The following ADAMTS9 variants were observed in gnomAD, a reference collection of about 807,000 sequenced individuals.
ADAMTS9 encodes ADAM metallopeptidase with thrombospondin type 1 motif 9.
ADAMTS9 carries 107 observed loss-of-function variants against 257.1 expected under a neutral mutation model. The ratio of observed to expected loss-of-function variants is 0.42; its 90% CI spans 0.36 to 0.49. The LOEUF (loss-of-function observed/expected upper bound fraction) is 0.49, where lower values mean the gene tolerates loss of function less well. Among genes scored for constraint, ADAMTS9 ranks in the 20% least tolerant of loss-of-function variants. The pLI is 0.03. For synonymous variants in ADAMTS9, 982 were observed against 880.9 expected (o/e 1.11, Z -2.03); for missense variants, 2,353 against 2,469.1 (o/e 0.95, Z 1.00).
At position 64,562,264 on chromosome 3, in the gene ADAMTS9, C is replaced by T. The variant is rs945557585; in HGVS notation, c.4525-513G>A. Reference sequence around the variant, plus strand: ...CTCCAGTCTCTTCCTTTTCTTGCTCCTATTCATGGAGATAAGGCGATATTT... The same window carrying T: ...CTCCAGTCTCTTCCTTTTCTTGCTCTTATTCATGGAGATAAGGCGATATTT... On this transcript the variant is annotated intron_variant, in intron 29 of 39. Coordinates refer to ENST00000498707, the MANE Select transcript of ADAMTS9 (RefSeq NM_182920.2). 2.0e-5 allele frequency among the ~76,000 whole-genome samples: 3 copies of T among 152,218 alleles called. No individual in the cohort carries two copies. In the East Asian group the frequency reaches 5.8e-4, roughly 29 times the overall value.
chr3:64,581,742 T>C (rs1026204765), intron 28 of ADAMTS9, among the ~76,000 whole-genome samples: 1 of 152,204 alleles, frequency 6.6e-6, no homozygotes, highest in Admixed American at 6.5e-5. Flanking sequence ...ACTTCCCTTA[T>C]GGAAAACCAA....
At chr3:64,568,611 G>T in intron 28 of ADAMTS9, 76 bp from the exon 29 acceptor site, 2 of 1,544,340 alleles carry the variant, frequency 1.3e-6, no homozygotes, top group Non-Finnish European at 1.8e-6. Context: ...TGCGTCTTGA[G>T]ATGTTAAGAC....
intron 12 of ADAMTS9, among the ~76,000 whole-genome samples, chr3:64,636,714 A>G (rs1438956051): frequency 5.9e-5 from 9 of 152,244 alleles, no homozygotes; most frequent in Non-Finnish European, 1.5e-5. Flanking sequence ...CATGTGAACT[A>G]TGGGAAATTC....
intron 38 of ADAMTS9, among the ~76,000 whole-genome samples, chr3:64,525,883 C>G (rs6445408): frequency 3.3e-3 from 501 of 150,398 alleles, no homozygotes; most frequent in African/African-American, 0.012. Flanking sequence ...GCCACCGTGC[C>G]CAGCCAAGTT....
chr3:64,687,819 C>T lies in ADAMTS9; in HGVS notation c.-162G>A. 1.9e-6 allele frequency: 1 copy of T among 519,832 alleles called. No individual in the cohort carries two copies. Among genetic ancestry groups the T allele is most frequent in the South Asian group, 3.1e-5 (1 of 32,070 alleles). 32.2% of individuals were successfully genotyped at this position (519,832 alleles called of 1,614,324 possible). A position where few individuals can be genotyped will look rare whatever the true frequency, so the allele number is the denominator to read the frequency against. ...CGCTGAGGTCTCGCTGCGAGGGTCC[C>T]GTCTGCGCTCGGCTGAGCAACGCCG... On this transcript the variant is annotated 5_prime_UTR_variant, in exon 1 of 40. Transcript: ENST00000498707. This position sits in a 1 kb window ranked among gnomAD's most constrained non-coding sequence, Gnocchi z 4.4.
rs775964597 is a variant in ADAMTS9 at position 64,687,692 on chromosome 3, C to T, written c.-35G>A. 2.1e-6 allele frequency: 3 copies of T among 1,438,318 alleles called. No individual in the cohort carries two copies. The East Asian group carries it at 8.5e-5, about 41-fold the overall frequency. 89.1% of individuals were successfully genotyped at this position (1,438,318 alleles called of 1,614,324 possible). Reference sequence around the variant, plus strand: ...CACCCCTCCCTCCGCTGCCCCCACCCCCCTCCCTCCTGCCCTCCTTGGCTG... The same window carrying T: ...CACCCCTCCCTCCGCTGCCCCCACCTCCCTCCCTCCTGCCCTCCTTGGCTG... On this transcript the variant is annotated 5_prime_UTR_variant, in exon 1 of 40. Coordinates refer to ENST00000498707, the MANE Select transcript of ADAMTS9 (RefSeq NM_182920.2). The surrounding 1 kb of genome is among the most constrained non-coding windows in gnomAD (Gnocchi z 4.4).
At chr3:64,596,742 T>G in intron 27 of ADAMTS9, 88 bp downstream of exon 27, 1 of 1,520,038 alleles carries the variant, frequency 6.6e-7, no homozygotes, top group Non-Finnish European at 9.0e-7. Context: ...TAGAGCTAGT[T>G]CTTCTCCTTG....
At chr3:64,567,731 G>T (rs769416307) in intron 29 of ADAMTS9, among the ~76,000 whole-genome samples, 1 of 151,278 alleles carries the variant, frequency 6.6e-6, no homozygotes, top group Non-Finnish European at 1.5e-5. Flanking sequence ...CATCACACTT[G>T]TCCAAACAAA....
At chr3:64,537,472 GA>G (rs1232296923) in intron 37 of ADAMTS9, among the ~76,000 whole-genome samples, 1 of 152,148 alleles carries the variant, frequency 6.6e-6, no homozygotes, top group African/African-American at 2.4e-5. Context: ...GGTAATGGAA[GA>G]AAGGCTCTTT....
chr3:64,631,713 T>C, intron 15 of ADAMTS9, 95 bp downstream of exon 15: 1 of 1,264,280 alleles, frequency 7.9e-7, no homozygotes, highest in Non-Finnish European at 1.1e-6. Flanking sequence ...CTGATTTTTA[T>C]GCTCGACATT....
rs989221073 is a variant in ADAMTS9 at position 64,516,574 on chromosome 3, C to G, written c.*553G>C. Reference sequence around the variant, plus strand: ...GGCAGCATATTTTTTTCCCAGAGATCACATGAAACTGAATACTTATTTAAC... The same window carrying G: ...GGCAGCATATTTTTTTCCCAGAGATGACATGAAACTGAATACTTATTTAAC... On this transcript the variant is annotated 3_prime_UTR_variant, in exon 40 of 40. Coordinates refer to ENST00000498707, the MANE Select transcript of ADAMTS9 (RefSeq NM_182920.2). 6.6e-6 allele frequency: 1 copy of G among 152,526 alleles called. No individual in the cohort carries two copies. Among genetic ancestry groups the G allele is most frequent in the Non-Finnish European group, 1.5e-5 (1 of 68,020 alleles). 9.4% of individuals were successfully genotyped at this position (152,526 alleles called of 1,614,324 possible).
At position 64,686,508 on chromosome 3, in the gene ADAMTS9, A is replaced by C; in HGVS notation, c.516+60T>G. On this transcript the variant is annotated intron_variant, in intron 2 of 39. Transcript: ENST00000498707. This position sits in a 1 kb window ranked among gnomAD's most constrained non-coding sequence, Gnocchi z 4.6. ...GGTCTCTAGGCTTAGAGGACAATTA[A>C]GTCTTCTAGAAGCGGGCGAGGAGGC... is the stretch of plus-strand genomic sequence containing the variant. The C allele has an allele frequency of 1.0e-5, 15 of 1,503,966 alleles. No homozygotes were observed. Among genetic ancestry groups the C allele is most frequent in the Non-Finnish European group, 1.3e-5 (15 of 1,122,432 alleles). The allele number at this position is 1,503,966 out of a possible 1,614,324, so 93.2% of individuals were successfully genotyped here.
chr3:64,564,202 G>C (rs142365613), intron 29 of ADAMTS9, among the ~76,000 whole-genome samples: 1 of 152,116 alleles, frequency 6.6e-6, no homozygotes, highest in Non-Finnish European at 1.5e-5. Flanking sequence ...CAAAGTAGAC[G>C]TTTTTCACTC....
At chr3:64,639,874 A>T (rs1178335120) in intron 12 of ADAMTS9, among the ~76,000 whole-genome samples, 2 of 152,212 alleles carry the variant, frequency 1.3e-5, no homozygotes, top group Non-Finnish European at 2.9e-5. Context: ...ATTATGTGGT[A>T]CTTATTTCAT....
At chr3:64,568,606 C>A in intron 28 of ADAMTS9, 71 bp from the exon 29 acceptor site, 1 of 1,569,972 alleles carries the variant, frequency 6.4e-7, no homozygotes, top group South Asian at 1.2e-5. Context: ...AAACCTGCGT[C>A]TTGAGATGTT....
chr3:64,604,565 A>G (rs1223032133), intron 23 of ADAMTS9, among the ~76,000 whole-genome samples: 1 of 152,170 alleles, frequency 6.6e-6, no homozygotes, highest in Non-Finnish European at 1.5e-5. Flanking sequence ...CAGCTTGAGG[A>G]TTTTTAAAGC....
chr3:64,649,328 T>C lies in ADAMTS9; in HGVS notation c.1605+309A>G, dbSNP rs113029774. On this transcript the variant is annotated intron_variant, in intron 10 of 39. Coordinates refer to ENST00000498707, the MANE Select transcript of ADAMTS9 (RefSeq NM_182920.2). ...ACAAGGAGAGAAAAAAGCTGAGCTC[T>C]GTAATTCCCAACTCCGTAACCTTGC... Among the ~76,000 whole-genome samples, 236 of 152,312 alleles carry C rather than the reference T, an allele frequency of 1.5e-3. 4 individuals carry two copies. The highest frequency in any genetic ancestry group is 5.4e-3 in the African/African-American group (225 of 41,568).
intron 37 of ADAMTS9, among the ~76,000 whole-genome samples, chr3:64,536,801 G>A (rs2083056577): frequency 6.6e-6 from 1 of 152,182 alleles, no homozygotes; most frequent in Non-Finnish European, 1.5e-5. Flanking sequence ...AATAATAATA[G>A]TGTCACATCT....
intron 28 of ADAMTS9, among the ~76,000 whole-genome samples, chr3:64,570,580 G>A (rs560574021): frequency 1.3e-5 from 2 of 151,640 alleles, no homozygotes; most frequent in South Asian, 4.2e-4. Context: ...TGCTTAGGTA[G>A]GGGAAGTTGG....
Sources: gnomAD v4.1 joint callset for allele counts (sites outside exome capture counted in the v4.1 genomes callset) on GRCh38, gnomAD v4.1.1 for gene constraint, Gnocchi (gnomAD v3.1) non-coding constraint, MANE v1.5 for transcripts, NCBI Gene and HGNC (gene_info 2026-07-23, HGNC 2026-07-21) for gene names.